The following TIMP2 variants were observed in gnomAD, a reference collection of about 807,000 sequenced individuals.
The protein encoded by TIMP2 is metalloproteinase inhibitor 2.
TIMP2 carries 5 observed loss-of-function variants against 24.3 expected under a neutral mutation model. That is an observed-to-expected ratio of 0.21 (90% CI 0.11 to 0.43). TIMP2 has a LOEUF of 0.43. Among genes scored for constraint, TIMP2 ranks in the 20% least tolerant of loss-of-function variants. The pLI, the probability that TIMP2 is intolerant of heterozygous loss-of-function variation, is 1.00. For missense variants in TIMP2, 221 were observed against 297.5 expected (o/e 0.74, Z 1.89); for synonymous variants, 130 against 123.2 (o/e 1.06, Z -0.37).
chr17:78,921,295 TAGCTGG>T (rs148813890), intron 1 of TIMP2, among the ~76,000 whole-genome samples: 2,621 of 152,172 alleles, frequency 0.017, 105 homozygotes, highest in East Asian at 0.17. Context: ...GACCCCTCTC[TAGCTGG>T]AGCTGGAGCT....
intron 1 of TIMP2, among the ~76,000 whole-genome samples, chr17:78,905,659 C>T (rs1199437776): frequency 6.6e-6 from 1 of 152,224 alleles, no homozygotes; most frequent in African/African-American, 2.4e-5. Flanking sequence ...GGACTGAGGA[C>T]ATCTCTCTCA....
chr17:78,917,548 A>G (rs982983374), intron 1 of TIMP2, among the ~76,000 whole-genome samples: 3 of 152,260 alleles, frequency 2.0e-5, no homozygotes, highest in South Asian at 2.1e-4. Context: ...TGTAAGAAGC[A>G]GGTATCTAAG....
chr17:78,864,431 T>C (rs566686506), intron 3 of TIMP2, among the ~76,000 whole-genome samples: 41 of 147,686 alleles, frequency 2.8e-4, no homozygotes, highest in African/African-American at 9.9e-4. Flanking sequence ...TTTGTAGAGA[T>C]AGGGTCTTGC....
Position 78,853,786 on chromosome 17 carries a change from T to TAA in TIMP2, c.*1879_*1880dup, listed in dbSNP as rs1326871501. 6 of 152,114 alleles carry TAA rather than the reference T, an allele frequency of 3.9e-5. No individual in the cohort carries two copies. Among genetic ancestry groups the TAA allele is most frequent in the Non-Finnish European group, 7.4e-5 (5 of 67,964 alleles). 9.4% of individuals were successfully genotyped at this position (152,114 alleles called of 1,614,324 possible). A position where few individuals can be genotyped will look rare whatever the true frequency, so the allele number is the denominator to read the frequency against. ...TGATGTCAAAAACAAACCAAAACATTAAAAAAACAATCAGCAGAAACAGGA... is the reference window on the plus strand; with the variant it reads ...TGATGTCAAAAACAAACCAAAACATTAAAAAAAAACAATCAGCAGAAACAGGA... On this transcript the variant is annotated 3_prime_UTR_variant, in exon 5 of 5. Coordinates refer to ENST00000262768, the MANE Select transcript of TIMP2 (RefSeq NM_003255.5).
chr17:78,919,171 G>T (rs1036579390), intron 1 of TIMP2, among the ~76,000 whole-genome samples: 6 of 152,224 alleles, frequency 3.9e-5, no homozygotes, highest in African/African-American at 1.4e-4. Flanking sequence ...GCTCCAGCAC[G>T]CGGAGTTAGG....
At position 78,895,797 on chromosome 17, in the gene TIMP2, T is replaced by C. The variant is rs556034726; in HGVS notation, c.131-21878A>G. On this transcript the variant is annotated intron_variant, in intron 1 of 4. Coordinates refer to ENST00000262768, the MANE Select transcript of TIMP2 (RefSeq NM_003255.5). The stretch of plus-strand genomic sequence containing the variant: ...GTGGTGAGGTCGGGGCTGCTGTGAA[T>C]GCCCCTCTGTGTGTCTCGGAAGGTG... Among the ~76,000 whole-genome samples, 72 of 152,238 alleles carry C rather than the reference T, an allele frequency of 4.7e-4. 1 individual carries two copies. Among genetic ancestry groups the C allele is most frequent in the African/African-American group, 1.7e-3 (71 of 41,560 alleles).
chr17:78,906,444 T>A (rs1458365752), intron 1 of TIMP2, among the ~76,000 whole-genome samples: 2 of 152,116 alleles, frequency 1.3e-5, no homozygotes, highest in African/African-American at 4.8e-5. Context: ...ATGCTAACAA[T>A]CATCTCGACC....
chr17:78,865,195 C>T (rs1284419974), intron 3 of TIMP2, among the ~76,000 whole-genome samples: 2 of 151,972 alleles, frequency 1.3e-5, no homozygotes, highest in East Asian at 3.9e-4. Flanking sequence ...TTCATGGAGA[C>T]GAAGTAGAAA....
chr17:78,905,660 A>G (rs1599172774), intron 1 of TIMP2, among the ~76,000 whole-genome samples: 1 of 152,328 alleles, frequency 6.6e-6, no homozygotes, highest in East Asian at 1.9e-4. Context: ...GACTGAGGAC[A>G]TCTCTCTCAA....
At chr17:78,923,408 C>CG (rs2070323933) in intron 1 of TIMP2, among the ~76,000 whole-genome samples, 2 of 5,474 alleles carry the variant, frequency 3.7e-4, no homozygotes, top group Admixed American at 1.7e-3. Flanking sequence ...GGGGGGGGGG[C>CG]GGGAGGGGGA....
At chr17:78,899,112 C>G (rs1342507701) in intron 1 of TIMP2, 1 of 152,320 alleles carries the variant, frequency 6.6e-6, no homozygotes, top group Non-Finnish European at 1.5e-5. Flanking sequence ...CTCTAAAGCG[C>G]TCCCAGGGAT....
chr17:78,901,696 TAAC>T (rs2070095780), intron 1 of TIMP2: 1 of 716,178 alleles, frequency 1.4e-6, no homozygotes, highest in Non-Finnish European at 2.6e-6. Flanking sequence ...ATGGGGATGA[TAAC>T]AACAGCAGCA....
intron 1 of TIMP2, chr17:78,892,240 T>G (rs1599161124): frequency 2.6e-6 from 4 of 1,550,870 alleles, no homozygotes. Context: ...CGAGATCGCC[T>G]TTGCCCCGGG....
rs1040510533 is a variant in TIMP2, at chr17:78,854,704, C to G, written c.*963G>C. ...AGCAAGACCCAGCTTTTTCTGTCCT[C>G]AGGATGTGCAGATGGGGAGCCCAGC... On this transcript the variant is annotated 3_prime_UTR_variant, in exon 5 of 5. Coordinates refer to ENST00000262768, the MANE Select transcript of TIMP2 (RefSeq NM_003255.5). The G allele has an allele frequency of 3.3e-5, 5 of 152,158 alleles. No homozygotes were observed. Among genetic ancestry groups the G allele is most frequent in the African/African-American group, 1.2e-4 (5 of 41,400 alleles). The allele number at this position is 152,158 out of a possible 1,614,324, so 9.4% of individuals were successfully genotyped here.
intron 1 of TIMP2, among the ~76,000 whole-genome samples, chr17:78,909,729 G>A (rs539895293): frequency 6.6e-5 from 10 of 152,244 alleles, no homozygotes; most frequent in East Asian, 5.8e-4. Context: ...GACGTGCAGC[G>A]TCATGCTACC....
intron 1 of TIMP2, among the ~76,000 whole-genome samples, chr17:78,895,106 C>A (rs1223481291): frequency 1.3e-5 from 2 of 152,056 alleles, no homozygotes; most frequent in African/African-American, 4.8e-5. Context: ...CATGGTGAAA[C>A]CCCGTCTCTA....
chr17:78,858,572 G>C (rs1002924509), intron 3 of TIMP2, among the ~76,000 whole-genome samples: 2 of 152,166 alleles, frequency 1.3e-5, no homozygotes, highest in Non-Finnish European at 2.9e-5. Flanking sequence ...TCAGGCCAGA[G>C]TGCAATGGTA....
intron 2 of TIMP2, among the ~76,000 whole-genome samples, chr17:78,873,294 C>G (rs940001181): frequency 7.8e-6 from 1 of 127,526 alleles, no homozygotes; most frequent in Admixed American, 9.1e-5. Flanking sequence ...CCTGCCCTCC[C>G]TGCCACATAT....
intron 1 of TIMP2, among the ~76,000 whole-genome samples, chr17:78,916,917 C>T (rs2070263614): frequency 6.6e-6 from 1 of 152,234 alleles, no homozygotes; most frequent in African/African-American, 2.4e-5. Context: ...ATAAGATCCA[C>T]CCCTCAGGGC....
Sources: allele counts gnomAD v4.1 joint callset (sites outside exome capture counted in the v4.1 genomes callset), GRCh38; gene constraint gnomAD v4.1.1; transcripts MANE v1.5; gene names NCBI Gene and HGNC (gene_info 2026-07-23, HGNC 2026-07-21).